Variants in SDAD1 observed in about 807,000 individuals in gnomAD.
SDAD1 encodes the protein protein SDA1 homolog.
A neutral mutation model predicts 100.3 loss-of-function variants in SDAD1; 79 were observed. The observed-to-expected ratio is 0.79, with a 90% CI of 0.66 to 0.95. SDAD1 has a LOEUF of 0.95. Ranked by LOEUF, SDAD1 falls within the 40% of genes least tolerant of loss-of-function variation. The pLI is 0.00. For synonymous variants in SDAD1, 267 were observed against 271.4 expected, an observed-to-expected ratio of 0.98 and a Z score of 0.16; for missense variants, 790 against 810.9, an observed-to-expected ratio of 0.97 and a Z score of 0.31.
At chr4:75,959,955 A>G (rs1729135514) in intron 17 of SDAD1, 111 bp downstream of exon 17, 2 of 1,184,564 alleles carry the variant, frequency 1.7e-6, no homozygotes, top group South Asian at 1.8e-5. Context: ...GCACATAGTC[A>G]TTGCTCAATA....
intron 21 of SDAD1, among the ~76,000 whole-genome samples, chr4:75,952,942 GTTTATT>G (rs1028927077): frequency 6.6e-6 from 1 of 151,978 alleles, no homozygotes; most frequent in African/African-American, 2.4e-5. Flanking sequence ...TTTTTTACTT[GTTTATT>G]TTTAAGTGAT....
At chr4:75,953,005 G>A (rs1211535235) in intron 21 of SDAD1, among the ~76,000 whole-genome samples, 2 of 152,032 alleles carry the variant, frequency 1.3e-5, no homozygotes, top group Admixed American at 6.6e-5. Context: ...TGGTCTAAAG[G>A]GGAGAACAGA....
At chr4:75,967,720 A>T (rs1389503655) in intron 11 of SDAD1, among the ~76,000 whole-genome samples, 1 of 152,182 alleles carries the variant, frequency 6.6e-6, no homozygotes, top group Non-Finnish European at 1.5e-5. Flanking sequence ...AACAACAGAC[A>T]AGATCGGAAT....
At chr4:75,965,467 C>T (rs1008019344) in intron 13 of SDAD1, among the ~76,000 whole-genome samples, 1 of 152,124 alleles carries the variant, frequency 6.6e-6, no homozygotes, top group Admixed American at 6.6e-5. Flanking sequence ...ATCTCTGTGA[C>T]CCACACTCTA....
intron 17 of SDAD1, among the ~76,000 whole-genome samples, chr4:75,958,468 T>C (rs115492920): frequency 1.3e-4 from 20 of 152,296 alleles, no homozygotes; most frequent in Non-Finnish European, 2.6e-4. Flanking sequence ...TGAAGACACC[T>C]CAATAAAAAG....
chr4:75,958,764 C>T (rs1226193738), intron 17 of SDAD1, among the ~76,000 whole-genome samples: 1 of 151,288 alleles, frequency 6.6e-6, no homozygotes, highest in Non-Finnish European at 1.5e-5. Flanking sequence ...TGCCAAATAC[C>T]TGGCTCATCA....
At chr4:75,954,951 G>A (rs1728809872) in intron 21 of SDAD1, among the ~76,000 whole-genome samples, 1 of 152,182 alleles carries the variant, frequency 6.6e-6, no homozygotes, top group African/African-American at 2.4e-5. Context: ...CTCTTCAAGA[G>A]TAAGGCATAC....
In SDAD1 at chr4:75,967,427, T is replaced by C. The variant is rs1729612481; in HGVS notation, c.988-93A>G. The C allele has an allele frequency of 1.9e-5, 22 of 1,138,522 alleles. No individual in the cohort carries two copies. The South Asian group carries it at 2.5e-4, about 13-fold the overall frequency. 70.5% of individuals were successfully genotyped at this position (1,138,522 alleles called of 1,614,324 possible). ...CAAACATATCACCAAGCTCAACTAA[T>C]TGCAGAACACTTTTGTTTTTTTCTC... On this transcript the variant is annotated intron_variant, in intron 11 of 21. Coordinates refer to ENST00000356260, the MANE Select transcript of SDAD1 (RefSeq NM_018115.4).
At chr4:75,975,422 T>C (rs1240683881) in intron 6 of SDAD1, among the ~76,000 whole-genome samples, 2 of 152,156 alleles carry the variant, frequency 1.3e-5, no homozygotes, top group African/African-American at 4.8e-5. Context: ...CTCTGCCTCT[T>C]AATAGCTAAA....
rs369683812 is a variant in SDAD1, at chr4:75,981,477, C to G, written c.196-7G>C. The G allele has an allele frequency of 1.2e-6, 2 of 1,613,722 alleles. No homozygotes were observed. The highest frequency in any genetic ancestry group is 1.7e-6 in the Non-Finnish European group (2 of 1,179,812). On this transcript the variant is annotated splice_region_variant and splice_polypyrimidine_tract_variant and intron_variant, in intron 2 of 21. Transcript: ENST00000356260. Reference sequence around the variant, plus strand: ...CTGGGTAGCAGTGACTAATCTGTAACAAAGCAAAGGCTCTTCTGAAGTTGC... The same window carrying G: ...CTGGGTAGCAGTGACTAATCTGTAAGAAAGCAAAGGCTCTTCTGAAGTTGC...
chr4:75,978,074 T>A (rs1175109094), intron 3 of SDAD1, among the ~76,000 whole-genome samples: 1 of 152,052 alleles, frequency 6.6e-6, no homozygotes, highest in Non-Finnish European at 1.5e-5. Context: ...TGTAGTGTCA[T>A]CATACGGCAA....
rs1728593755 is a variant in SDAD1, at chr4:75,950,827, TA to T, written c.2017-31del. On this transcript the variant is annotated intron_variant, in intron 21 of 21. Coordinates refer to ENST00000356260, the MANE Select transcript of SDAD1 (RefSeq NM_018115.4). ...AAGATAAAAAAGTATTGAAACATGA[TA>T]ACTCTTGGGTACCCTATTATACGAA... 22 of 1,522,576 alleles carry T rather than the reference TA, an allele frequency of 1.4e-5. No homozygotes were observed. The East Asian group carries it at 5.0e-4, about 35-fold the overall frequency. The allele number at this position is 1,522,576 out of a possible 1,614,324, so 94.3% of individuals were successfully genotyped here. A position where few individuals can be genotyped will look rare whatever the true frequency, so the allele number is the denominator to read the frequency against.
chr4:75,957,117 A>T (rs1266937629), intron 20 of SDAD1, among the ~76,000 whole-genome samples: 1 of 152,212 alleles, frequency 6.6e-6, no homozygotes, highest in Non-Finnish European at 1.5e-5. Flanking sequence ...CAAAAAACAA[A>T]CAAACAAACA....
In SDAD1 at chr4:75,969,388, T is replaced by C; in HGVS notation, c.895A>G (p.Lys299Glu). 1 of 1,613,218 alleles carries C rather than the reference T, an allele frequency of 6.2e-7. No individual in the cohort carries two copies. The highest frequency in any genetic ancestry group is 8.5e-7 in the Non-Finnish European group (1 of 1,179,482). ...CAGCACTCAAGCTGCTTTAGTAGTT[T>C]TTCCGCAAAATCTGGCAAGGAGAGG... is the stretch of plus-strand genomic sequence containing the variant. The part of the protein sequence containing the change: ...LIHDPQDFAE[K>E]LLKQLECCKE... Residue 299 changes from lysine to glutamate, a missense_variant, in exon 11 of 22, where the codon AAA becomes GAA. Physicochemically the swap from Lys to Glu is moderately conservative, Grantham distance 56. Transcript: ENST00000356260.
In SDAD1 at chr4:75,974,641, G is replaced by A. The variant is rs149450918; in HGVS notation, c.579-508C>T. ...CGAGAACTGCTTGAACCCAGGAGGC[G>A]GAGGTTGCAGTGAGCCAAGATCACA... On this transcript the variant is annotated intron_variant, in intron 6 of 21. Coordinates refer to ENST00000356260, the MANE Select transcript of SDAD1 (RefSeq NM_018115.4). Among the ~76,000 whole-genome samples the A allele has an allele frequency of 2.2e-3, 331 of 151,536 alleles. 1 individual carries two copies. The highest frequency in any genetic ancestry group is 4.1e-3 in the Non-Finnish European group (280 of 67,824).
intron 11 of SDAD1, among the ~76,000 whole-genome samples, chr4:75,968,349 A>C (rs1479892315): frequency 6.6e-6 from 1 of 152,190 alleles, no homozygotes; most frequent in Non-Finnish European, 1.5e-5. Context: ...TTTCAACGTG[A>C]TATATGTCTA....
At chr4:75,967,365 T>C (rs777205500) in intron 11 of SDAD1, 31 bp from the exon 12 acceptor site, 1 of 1,585,124 alleles carries the variant, frequency 6.3e-7, no homozygotes, top group Non-Finnish European at 8.7e-7. Flanking sequence ...TTAATACTGA[T>C]GCAGCTGACA....
intron 9 of SDAD1, 63 bp downstream of exon 9, chr4:75,971,294 G>C: frequency 1.8e-6 from 2 of 1,116,766 alleles, no homozygotes; most frequent in South Asian, 2.7e-5. Flanking sequence ...AAAAGCTCTG[G>C]CTAACGACAA....
At chr4:75,990,586 T>C (rs1731197565) in intron 1 of SDAD1, 166 bp downstream of exon 1, 1 of 1,454,970 alleles carries the variant, frequency 6.9e-7, no homozygotes, top group Admixed American at 1.8e-5. Context: ...GAACGAACCC[T>C]AAGGCATGTC....
Sources: allele counts gnomAD v4.1 joint callset (sites outside exome capture counted in the v4.1 genomes callset), GRCh38; gene constraint gnomAD v4.1.1; transcripts MANE v1.5; gene names NCBI Gene and HGNC (gene_info 2026-07-23, HGNC 2026-07-21).